Variants in KMT5A observed in about 807,000 individuals in gnomAD.
The protein encoded by KMT5A is N-lysine methyltransferase KMT5A.
Under a neutral mutation model 40.6 loss-of-function variants are expected in KMT5A, and 6 were observed. The ratio of observed to expected loss-of-function variants is 0.15; its 90% CI spans 0.08 to 0.29. KMT5A has a LOEUF of 0.29. Ranked by LOEUF, KMT5A falls within the 10% of genes least tolerant of loss-of-function variation. The pLI, the probability that KMT5A is intolerant of heterozygous loss-of-function variation, is 1.00. For synonymous variants in KMT5A, 153 were observed against 178.8 expected, an observed-to-expected ratio of 0.86 and a Z score of 1.15; for missense variants, 308 against 459.1, an observed-to-expected ratio of 0.67 and a Z score of 3.01.
chr12:123,408,200 G>A lies in KMT5A; in HGVS notation c.*497G>A, dbSNP rs1348072732. Reference sequence around the variant, plus strand: ...AACGTCTCAACAGGCGCTCACTGAAGTGTATGAATATTTTTTAAAAAGGTT... The same window carrying A: ...AACGTCTCAACAGGCGCTCACTGAAATGTATGAATATTTTTTAAAAAGGTT... On this transcript the variant is annotated 3_prime_UTR_variant, in exon 8 of 8. Transcript: ENST00000402868. 6.5e-6 allele frequency: 1 copy of A among 154,582 alleles called. No individual in the cohort carries two copies. The highest frequency in any genetic ancestry group is 1.4e-5 in the Non-Finnish European group (1 of 69,396). 9.6% of individuals were successfully genotyped at this position (154,582 alleles called of 1,614,324 possible).
chr12:123,388,810 C>A (rs1877025618), intron 1 of KMT5A: 2 of 150,656 alleles, frequency 1.3e-5, no homozygotes, highest in South Asian at 4.2e-4. Flanking sequence ...CCCCTTCCTC[C>A]GCGAGTGGCT....
rs763334516 is a variant in KMT5A, at chr12:123,396,361, C to G, written c.526C>G (p.Gln176Glu). 4.3e-6 allele frequency: 7 copies of G among 1,613,470 alleles called. No individual in the cohort carries two copies. The highest frequency in any genetic ancestry group is 1.3e-5 in the African/African-American group (1 of 75,018). Residue 176 changes from glutamine (Q) to glutamate (E), a missense_variant, in exon 5 of 8, where the codon CAA becomes GAA. Coordinates refer to ENST00000402868, the MANE Select transcript of KMT5A (RefSeq NM_020382.7). ...APRKKAQGKT[Q>E]QNRKLTDFYP... ...CTTACCCAGAGCTCAAGGAAAAACG[C>G]AACAGAATCGCAAACTTACGGATTT...
intron 2 of KMT5A, 95 bp downstream of exon 2, chr12:123,389,649 G>C (rs1238480560): frequency 2.2e-6 from 2 of 924,600 alleles, no homozygotes; most frequent in Non-Finnish European, 2.6e-6. Flanking sequence ...GGGGCGCCCG[G>C]CCGGGCCGCT....
At chr12:123,394,936 G>A (rs1877579578) in intron 3 of KMT5A, 111 bp from the exon 4 acceptor site, 4 of 1,051,216 alleles carry the variant, frequency 3.8e-6, no homozygotes, top group Non-Finnish European at 4.2e-6. Flanking sequence ...ACTCCTGCCT[G>A]ACAAACCCAG....
intron 7 of KMT5A, 62 bp downstream of exon 7, chr12:123,405,136 G>A: frequency 6.9e-7 from 1 of 1,450,410 alleles, no homozygotes; most frequent in African/African-American, 1.4e-5. Flanking sequence ...GAGGCCAAAG[G>A]GCCAGGAACT....
At chr12:123,389,672 G>A (rs2139160490) in intron 2 of KMT5A, 118 bp downstream of exon 2, 1 of 777,876 alleles carries the variant, frequency 1.3e-6, no homozygotes, top group Non-Finnish European at 1.6e-6. Context: ...CTTTGCTGCC[G>A]CCTGGCTGGG....
chr12:123,396,316 T>G, intron 4 of KMT5A, 29 bp from the exon 5 acceptor site: 1 of 1,609,944 alleles, frequency 6.2e-7, no homozygotes, highest in Non-Finnish European at 8.5e-7. Context: ...GTCCTGATAT[T>G]TATTTTCTCC....
intron 5 of KMT5A, among the ~76,000 whole-genome samples, chr12:123,400,188 A>G (rs547977400): frequency 6.6e-6 from 1 of 150,664 alleles, no homozygotes; most frequent in South Asian, 2.1e-4. Context: ...GGCGCCTGCC[A>G]CCACGCCCGG....
chr12:123,390,531 G>A, intron 2 of KMT5A, 99 bp from the exon 3 acceptor site: 6 of 1,442,538 alleles, frequency 4.2e-6, no homozygotes, highest in South Asian at 1.3e-5. Context: ...TTTGAAAAAC[G>A]GTGTTGTCTG....
At chr12:123,390,398 C>A (rs1255367265) in intron 2 of KMT5A, among the ~76,000 whole-genome samples, 3 of 152,306 alleles carry the variant, frequency 2.0e-5, no homozygotes, top group African/African-American at 7.2e-5. Flanking sequence ...TCCTGCTGGC[C>A]AGCTGTCCCC....
At chr12:123,406,464 G>T (rs1295733359) in intron 7 of KMT5A, among the ~76,000 whole-genome samples, 1 of 152,104 alleles carries the variant, frequency 6.6e-6, no homozygotes, top group South Asian at 2.1e-4. Context: ...ACAGGCATGC[G>T]CCACCACGCC....
rs1044908153 is a variant in KMT5A at position 123,402,985 on chromosome 12, T to C, written c.598-588T>C. ...GTGCAGTAGCACAATCTTGGCTCACTGCAACCTCCACCTCCCAGGTTCAAG... is the reference window on the plus strand; with the variant it reads ...GTGCAGTAGCACAATCTTGGCTCACCGCAACCTCCACCTCCCAGGTTCAAG... On this transcript the variant is annotated intron_variant, in intron 5 of 7. Coordinates refer to ENST00000402868, the MANE Select transcript of KMT5A (RefSeq NM_020382.7). 4.6e-5 allele frequency among the ~76,000 whole-genome samples: 7 copies of C among 152,346 alleles called. No individual in the cohort carries two copies. In the East Asian group the frequency reaches 1.3e-3, roughly 29 times the overall value.
intron 3 of KMT5A, 64 bp downstream of exon 3, chr12:123,390,850 T>A (rs1431654191): frequency 6.5e-7 from 1 of 1,546,266 alleles, no homozygotes; most frequent in Non-Finnish European, 8.8e-7. Flanking sequence ...CTCTGTCCTC[T>A]GCAAGAATGC....
intron 7 of KMT5A, among the ~76,000 whole-genome samples, chr12:123,406,590 A>T (rs1878572136): frequency 6.6e-6 from 1 of 152,200 alleles, no homozygotes; most frequent in Non-Finnish European, 1.5e-5. Context: ...CTGGGATTAC[A>T]GGCGTGAGCC....
intron 5 of KMT5A, among the ~76,000 whole-genome samples, chr12:123,398,383 A>G (rs1297027712): frequency 6.6e-6 from 1 of 152,040 alleles, no homozygotes; most frequent in East Asian, 1.9e-4. Flanking sequence ...GCCCACACAC[A>G]GGGCCTCTGC....
rs527528992 is a variant in KMT5A, at chr12:123,391,311, C to T, written c.289+525C>T. 260 of 155,652 alleles carry T rather than the reference C, an allele frequency of 1.7e-3. 1 individual carries two copies. Among genetic ancestry groups the T allele is most frequent in the Middle Eastern group, 3.4e-3 (1 of 298 alleles). The allele number at this position is 155,652 out of a possible 1,614,324, so 9.6% of individuals were successfully genotyped here. ...CTGGGCTCAAGCGATTCTTCTGCTG[C>T]AGCCTCCTGAGTAGCTGGGATTACA... On this transcript the variant is annotated intron_variant, in intron 3 of 7. Transcript: ENST00000402868.
chr12:123,390,583 G>C, intron 2 of KMT5A, 47 bp from the exon 3 acceptor site: 1 of 1,602,018 alleles, frequency 6.2e-7, no homozygotes, highest in Non-Finnish European at 8.5e-7. Flanking sequence ...AATGCTCTAG[G>C]ATCTTCTTCT....
intron 3 of KMT5A, among the ~76,000 whole-genome samples, chr12:123,391,844 C>T (rs1385617711): frequency 6.6e-6 from 1 of 152,148 alleles, no homozygotes; most frequent in Non-Finnish European, 1.5e-5. Context: ...TTTGGCATGA[C>T]CTCTGGGGCC....
intron 3 of KMT5A, among the ~76,000 whole-genome samples, chr12:123,392,363 A>G (rs1877376792): frequency 6.6e-6 from 1 of 152,184 alleles, no homozygotes; most frequent in Non-Finnish European, 1.5e-5. Flanking sequence ...CATGATTAGA[A>G]TTTTGGGTCA....
Sources: gnomAD v4.1 joint callset for allele counts (sites outside exome capture counted in the v4.1 genomes callset) on GRCh38, gnomAD v4.1.1 for gene constraint, MANE v1.5 for transcripts, NCBI Gene and HGNC (gene_info 2026-07-23, HGNC 2026-07-21) for gene names.